Variants in NKD1 observed in about 807,000 individuals in gnomAD.
NKD1 encodes the protein protein naked cuticle homolog 1.
A neutral mutation model predicts 56.0 loss-of-function variants in NKD1; 21 were observed. That is an observed-to-expected ratio of 0.38 (90% CI 0.27 to 0.54). The LOEUF is 0.54. Among genes scored for constraint, NKD1 ranks in the 20% least tolerant of loss-of-function variants. NKD1 has a pLI of 0.82. For synonymous variants in NKD1, 263 were observed against 265.7 expected (o/e 0.99, Z 0.10); for missense variants, 578 against 642.7 (o/e 0.90, Z 1.09).
rs139745156 is a variant in NKD1, at chr16:50,632,740, G to T, written c.823+332G>T. Reference sequence around the variant, plus strand: ...GGCTGTTTCTTCCAGCAAGAACCTCGGTTTCCCTAAGTACAGCACTACTGT... The same window carrying T: ...GGCTGTTTCTTCCAGCAAGAACCTCTGTTTCCCTAAGTACAGCACTACTGT... On this transcript the variant is annotated intron_variant, in intron 9 of 9. Transcript: ENST00000268459. This position sits in a 1 kb window ranked among gnomAD's most constrained non-coding sequence, Gnocchi z 4.1. Among the ~76,000 whole-genome samples, 16 of 151,248 alleles carry T rather than the reference G, an allele frequency of 1.1e-4. No homozygotes were observed. The East Asian group carries it at 3.0e-3, about 28-fold the overall frequency.
chr16:50,608,944 C>G (rs958369661), intron 4 of NKD1, among the ~76,000 whole-genome samples: 1 of 152,206 alleles, frequency 6.6e-6, no homozygotes, highest in African/African-American at 2.4e-5. Flanking sequence ...TCACCTCAGC[C>G]TCTCAAGTAG....
chr16:50,579,712 G>A (rs1391068650), intron 3 of NKD1, among the ~76,000 whole-genome samples: 2 of 142,444 alleles, frequency 1.4e-5, no homozygotes, highest in African/African-American at 2.7e-5. Context: ...CGGGCTACCC[G>A]CTACACACGC....
intron 3 of NKD1, among the ~76,000 whole-genome samples, chr16:50,578,561 C>T (rs1961038897): frequency 1.3e-5 from 2 of 152,154 alleles, no homozygotes; most frequent in Non-Finnish European, 2.9e-5. Context: ...GAGTGATGTT[C>T]CCCTGGGGAT....
At chr16:50,565,525 C>T (rs1960740554) in intron 3 of NKD1, among the ~76,000 whole-genome samples, 1 of 151,928 alleles carries the variant, frequency 6.6e-6, no homozygotes, top group South Asian at 2.1e-4. Context: ...AAAATAACAA[C>T]AGTAACAACA....
intron 3 of NKD1, among the ~76,000 whole-genome samples, chr16:50,554,945 T>A (rs1960470575): frequency 6.6e-6 from 1 of 152,128 alleles, no homozygotes; most frequent in Non-Finnish European, 1.5e-5. Context: ...AATTAATAAG[T>A]CCCTAACTGG....
intron 3 of NKD1, among the ~76,000 whole-genome samples, chr16:50,582,197 A>G (rs545653585): frequency 2.1e-4 from 32 of 152,270 alleles, no homozygotes; most frequent in African/African-American, 7.5e-4. Flanking sequence ...GCCTCAGATC[A>G]TGAATCTGGA....
Position 50,636,764 on chromosome 16 carries a change from C to G in NKD1, c.*2983C>G, listed in dbSNP as rs1445679228. ...CATTTTGTTAATTTTTAAAGTATTT[C>G]AAACACAAAGTTTGAAACAGAAAAT... On this transcript the variant is annotated 3_prime_UTR_variant, in exon 10 of 10. Coordinates refer to ENST00000268459, the MANE Select transcript of NKD1 (RefSeq NM_033119.5). 1.3e-5 allele frequency: 2 copies of G among 152,308 alleles called. No individual in the cohort carries two copies. The highest frequency in any genetic ancestry group is 3.9e-4 in the East Asian group (2 of 5,192). 9.4% of individuals were successfully genotyped at this position (152,308 alleles called of 1,614,324 possible). A position where few individuals can be genotyped will look rare whatever the true frequency, so the allele number is the denominator to read the frequency against.
At chr16:50,610,773 C>T (rs910841658) in intron 4 of NKD1, among the ~76,000 whole-genome samples, 5 of 152,196 alleles carry the variant, frequency 3.3e-5, no homozygotes, top group Non-Finnish European at 5.9e-5. Flanking sequence ...GCATCTTAAC[C>T]GCCTTAACTG....
intron 3 of NKD1, chr16:50,572,949 G>C: frequency 1.2e-6 from 1 of 862,306 alleles, no homozygotes; most frequent in Non-Finnish European, 1.4e-6. Flanking sequence ...GGAATCAGAT[G>C]AGTTTGAGTT....
chr16:50,586,960 T>G (rs1961243676), intron 3 of NKD1, among the ~76,000 whole-genome samples: 1 of 152,236 alleles, frequency 6.6e-6, no homozygotes, highest in Non-Finnish European at 1.5e-5. Flanking sequence ...GGCAGGAAGC[T>G]GGCTTCTTCC....
chr16:50,604,741 C>A (rs1156343150), intron 3 of NKD1, among the ~76,000 whole-genome samples: 1 of 152,232 alleles, frequency 6.6e-6, no homozygotes, highest in African/African-American at 2.4e-5. Flanking sequence ...CCAGTGGCGC[C>A]GTCGAAGTTC....
chr16:50,600,326 A>G (rs1458506894), intron 3 of NKD1, among the ~76,000 whole-genome samples: 3 of 151,996 alleles, frequency 2.0e-5, no homozygotes, highest in African/African-American at 7.3e-5. Flanking sequence ...TTAAAAAATT[A>G]GCTGGGTACG....
At chr16:50,586,507 G>A (rs1241703627) in intron 3 of NKD1, among the ~76,000 whole-genome samples, 1 of 151,972 alleles carries the variant, frequency 6.6e-6, no homozygotes, top group East Asian at 1.9e-4. Flanking sequence ...GAGGTGCTGG[G>A]GCTGAAGGGT....
chr16:50,616,713 G>A (rs147796769), intron 4 of NKD1, among the ~76,000 whole-genome samples: 74 of 152,280 alleles, frequency 4.9e-4, no homozygotes, highest in South Asian at 8.3e-4. Flanking sequence ...GTCCCAGATA[G>A]GACTGTACAG....
At position 50,561,242 on chromosome 16, in the gene NKD1, CA is replaced by C. The variant is rs1265087068; in HGVS notation, c.192+11688del. On this transcript the variant is annotated intron_variant, in intron 3 of 9. Transcript: ENST00000268459. ...AGAAACACAGACATGGCTCAGTCATCAGGGGTTGGACACAATGCTGCGCTGG... is the reference window on the plus strand; with the variant it reads ...AGAAACACAGACATGGCTCAGTCATCGGGGTTGGACACAATGCTGCGCTGG... 1.1e-4 allele frequency among the ~76,000 whole-genome samples: 16 copies of C among 152,168 alleles called. No individual in the cohort carries two copies. The East Asian group carries it at 2.9e-3, about 28-fold the overall frequency.
intron 3 of NKD1, chr16:50,562,256 C>A (rs578186863): frequency 6.3e-4 from 608 of 970,732 alleles, no homozygotes; most frequent in Non-Finnish European, 7.3e-4. Flanking sequence ...CATTCATAGG[C>A]CATGGTCCTG....
At chr16:50,580,721 A>T (rs149411363) in intron 3 of NKD1, among the ~76,000 whole-genome samples, 390 of 152,304 alleles carry the variant, frequency 2.6e-3, no homozygotes, top group South Asian at 7.0e-3. Flanking sequence ...ACTTCTTTTT[A>T]AAAATTGGAA....
intron 4 of NKD1, among the ~76,000 whole-genome samples, chr16:50,611,880 G>A (rs998411661): frequency 6.6e-6 from 1 of 152,136 alleles, no homozygotes; most frequent in Non-Finnish European, 1.5e-5. Context: ...CGCAAGGGTG[G>A]CCCTGGTACA....
chr16:50,625,842 G>GA (rs1346539144), intron 6 of NKD1, among the ~76,000 whole-genome samples: 5 of 93,302 alleles, frequency 5.4e-5, no homozygotes, highest in Non-Finnish European at 5.5e-5. Context: ...GAAAGAAGTT[G>GA]GGGGGGGCAG....
Sources: gnomAD v4.1 joint callset for allele counts (sites outside exome capture counted in the v4.1 genomes callset) on GRCh38, gnomAD v4.1.1 for gene constraint, Gnocchi (gnomAD v3.1) non-coding constraint, MANE v1.5 for transcripts, NCBI Gene and HGNC (gene_info 2026-07-23, HGNC 2026-07-21) for gene names.